The following ARHGAP26 variants were observed in gnomAD, a reference collection of about 807,000 sequenced individuals.
ARHGAP26 encodes Rho GTPase activating protein 26, also known as rho GTPase-activating protein 26.
ARHGAP26 carries 38 observed loss-of-function variants against 104.8 expected under a neutral mutation model. The ratio of observed to expected loss-of-function variants is 0.36; its 90% CI spans 0.28 to 0.48. ARHGAP26 has a LOEUF of 0.48. ARHGAP26 is among the 20% of genes least tolerant of loss of function. The pLI is 0.99. For synonymous variants in ARHGAP26, 341 were observed against 340.0 expected, an observed-to-expected ratio of 1.00 and a Z score of -0.03; for missense variants, 704 against 947.9, an observed-to-expected ratio of 0.74 and a Z score of 3.38.
At chr5:143,140,663 C>T (rs1163134090) in intron 19 of ARHGAP26, among the ~76,000 whole-genome samples, 2 of 151,952 alleles carry the variant, frequency 1.3e-5, no homozygotes, top group African/African-American at 4.8e-5. Flanking sequence ...ATGCAGATTC[C>T]CCCCGGCCCC....
intron 11 of ARHGAP26, among the ~76,000 whole-genome samples, chr5:142,939,368 C>T (rs185185269): frequency 6.6e-6 from 1 of 152,250 alleles, no homozygotes; most frequent in East Asian, 1.9e-4. Flanking sequence ...AAGGAAAAAC[C>T]ACTCCTCTAG....
At chr5:142,861,395 G>C (rs1753316501) in intron 1 of ARHGAP26, among the ~76,000 whole-genome samples, 2 of 151,166 alleles carry the variant, frequency 1.3e-5, no homozygotes, top group African/African-American at 4.9e-5. Context: ...ATTTCATCCA[G>C]GGGGAGATGA....
At chr5:143,034,847 C>T (rs752387020) in intron 12 of ARHGAP26, among the ~76,000 whole-genome samples, 34 of 152,088 alleles carry the variant, frequency 2.2e-4, no homozygotes, top group Non-Finnish European at 3.4e-4. Flanking sequence ...AAATGCCTGC[C>T]GCATGAGTTG....
intron 11 of ARHGAP26, among the ~76,000 whole-genome samples, chr5:142,940,297 C>A (rs1766051666): frequency 6.6e-6 from 1 of 152,104 alleles, no homozygotes. Context: ...TCAGTCCTTT[C>A]TGAGCTTTCT....
At chr5:143,061,313 C>A (rs1455821729) in intron 17 of ARHGAP26, among the ~76,000 whole-genome samples, 1 of 152,198 alleles carries the variant, frequency 6.6e-6, no homozygotes, top group Admixed American at 6.5e-5. Flanking sequence ...AGACTAATTT[C>A]ATGGTAATTT....
intron 10 of ARHGAP26, among the ~76,000 whole-genome samples, chr5:142,928,870 G>A (rs963851910): frequency 1.4e-5 from 2 of 141,692 alleles, no homozygotes; most frequent in South Asian, 5.0e-4. Context: ...GAGGTAAAAA[G>A]AGCTCTGATA....
At chr5:142,984,760 A>G (rs1311573143) in intron 11 of ARHGAP26, among the ~76,000 whole-genome samples, 1 of 152,186 alleles carries the variant, frequency 6.6e-6, no homozygotes, top group Non-Finnish European at 1.5e-5. Flanking sequence ...CACATCATTC[A>G]TGTGTTTGTG....
At chr5:142,923,857 CTTTTTTTTTT>C (rs11389284) in intron 10 of ARHGAP26, among the ~76,000 whole-genome samples, 1 of 105,870 alleles carries the variant, frequency 9.4e-6, no homozygotes, top group Non-Finnish European at 1.8e-5. Context: ...GGATCAGATC[CTTTTTTTTTT>C]TTTTTTTTTT....
intron 1 of ARHGAP26, among the ~76,000 whole-genome samples, chr5:142,832,381 T>G (rs1438684546): frequency 6.6e-6 from 1 of 152,142 alleles, no homozygotes; most frequent in African/African-American, 2.4e-5. Flanking sequence ...GAGCAGGCTC[T>G]CTCTCTCTCT....
chr5:143,070,826 C>T (rs1004066010), intron 17 of ARHGAP26, among the ~76,000 whole-genome samples: 7 of 152,026 alleles, frequency 4.6e-5, no homozygotes, highest in African/African-American at 1.5e-4. Context: ...GCAGGAGAAT[C>T]ACTTAAACTG....
At chr5:143,112,125 A>G (rs1301474547) in intron 17 of ARHGAP26, among the ~76,000 whole-genome samples, 1 of 152,250 alleles carries the variant, frequency 6.6e-6, no homozygotes, top group Non-Finnish European at 1.5e-5. Flanking sequence ...GAAAATGTCA[A>G]TTCCATGAAT....
At chr5:142,841,575 T>C (rs1211518108) in intron 1 of ARHGAP26, among the ~76,000 whole-genome samples, 1 of 152,190 alleles carries the variant, frequency 6.6e-6, no homozygotes, top group Non-Finnish European at 1.5e-5. Context: ...CCTGCAAAGC[T>C]CCTCAGCCTC....
intron 11 of ARHGAP26, among the ~76,000 whole-genome samples, chr5:142,949,222 GAGAGAGAGA>G: frequency 2.0e-4 from 1 of 5,004 alleles, no homozygotes; most frequent in African/African-American, 1.4e-3. Flanking sequence ...AGAGAGAGAG[GAGAGAGAGA>G]GGAGAGAGAG....
intron 18 of ARHGAP26, among the ~76,000 whole-genome samples, chr5:143,126,351 T>C (rs1001001738): frequency 6.6e-6 from 1 of 152,184 alleles, no homozygotes; most frequent in African/African-American, 2.4e-5. Context: ...TTCAGTCCAT[T>C]TGCTAAGGGT....
chr5:143,020,115 G>C (rs183279224), intron 12 of ARHGAP26, among the ~76,000 whole-genome samples: 12 of 152,246 alleles, frequency 7.9e-5, no homozygotes, highest in South Asian at 2.1e-4. Context: ...TGAAACTGCA[G>C]GAGTCCAGGC....
intron 11 of ARHGAP26, among the ~76,000 whole-genome samples, chr5:142,974,332 G>C (rs74901105): frequency 0.013 from 1,927 of 151,820 alleles, 41 homozygotes; most frequent in African/African-American, 0.045. Context: ...GAAGGGCTCT[G>C]GTTCTCGATG....
chr5:142,846,470 C>T (rs1561941482), intron 1 of ARHGAP26, among the ~76,000 whole-genome samples: 1 of 152,132 alleles, frequency 6.6e-6, no homozygotes, highest in African/African-American at 2.4e-5. Flanking sequence ...GTCTGTTTGA[C>T]CTTCTTCTCC....
chr5:143,176,818 G>C (rs549634225), intron 20 of ARHGAP26, among the ~76,000 whole-genome samples: 1 of 152,296 alleles, frequency 6.6e-6, no homozygotes, highest in Non-Finnish European at 1.5e-5. Flanking sequence ...AGACTCGGGT[G>C]TCTGATTTTC....
intron 12 of ARHGAP26, among the ~76,000 whole-genome samples, chr5:143,014,562 G>A (rs947444116): frequency 6.6e-6 from 1 of 152,146 alleles, no homozygotes; most frequent in Non-Finnish European, 1.5e-5. Flanking sequence ...TGATTTCTTA[G>A]TAACTGTTTT....
Sources: gnomAD v4.1 joint callset for allele counts (sites outside exome capture counted in the v4.1 genomes callset) on GRCh38, gnomAD v4.1.1 for gene constraint, MANE v1.5 for transcripts, NCBI Gene and HGNC (gene_info 2026-07-23, HGNC 2026-07-21) for gene names.